The following GPR141 variants were observed in gnomAD, a reference collection of about 807,000 sequenced individuals.
GPR141 encodes the protein G protein-coupled receptor 141, also known as probable G protein-coupled receptor 141.
A neutral mutation model predicts 6.8 loss-of-function variants in GPR141; 6 were observed. The observed-to-expected ratio is 0.88, with a 90% CI of 0.48 to 1.74. The LOEUF (loss-of-function observed/expected upper bound fraction) is 1.74, where lower values mean the gene tolerates loss of function less well. Among genes scored for constraint, GPR141 ranks in the 40% most tolerant of loss-of-function variants. GPR141 has a pLI of 0.01. For missense variants in GPR141, 372 were observed against 372.9 expected (o/e 1.00, Z 0.02); for synonymous variants, 140 against 142.3 (o/e 0.98, Z 0.11).
intron 2 of GPR141, among the ~76,000 whole-genome samples, chr7:37,730,402 G>T (rs185482566): frequency 1.3e-5 from 2 of 152,310 alleles, no homozygotes; most frequent in Admixed American, 1.3e-4. Context: ...TCTTCAAAGT[G>T]CCTGTGTCCC....
chr7:37,734,344 A>G (rs891948391), intron 2 of GPR141, among the ~76,000 whole-genome samples: 1 of 152,246 alleles, frequency 6.6e-6, no homozygotes, highest in East Asian at 1.9e-4. Context: ...TCACAGTAAC[A>G]CTGCAAACAG....
At chr7:37,699,989 T>G (rs1340065058) in intron 2 of GPR141, among the ~76,000 whole-genome samples, 1 of 152,210 alleles carries the variant, frequency 6.6e-6, no homozygotes, top group Admixed American at 6.5e-5. Context: ...GGCACCATAC[T>G]TGGCCCTTCC....
intron 2 of GPR141, among the ~76,000 whole-genome samples, chr7:37,691,816 C>A (rs4723694): frequency 2.0e-5 from 3 of 151,736 alleles, no homozygotes; most frequent in East Asian, 3.9e-4. Flanking sequence ...TTTTTCCCCC[C>A]CTTTAACACT....
At chr7:37,717,238 A>G (rs1039961420) in intron 2 of GPR141, among the ~76,000 whole-genome samples, 2 of 152,246 alleles carry the variant, frequency 1.3e-5, no homozygotes, top group Admixed American at 1.3e-4. Flanking sequence ...GAGAAGAAGA[A>G]TGAAAAGCTG....
rs776331619 is a variant in GPR141, at chr7:37,740,710, A to G, written c.317A>G (p.Tyr106Cys). ...HIHMYLTFLF[Y>C]VVILVTRYLI... ...CACATGTACCTCACGTTCCTATTCT[A>G]TGTGGTGATCCTGGTCACCAGATAC... The change falls in exon 3 of 3, where the codon TAT becomes TGT. Residue 106 changes from tyrosine (Y) to cysteine (C), a missense_variant. Coordinates refer to ENST00000334425, the MANE Select transcript of GPR141 (RefSeq NM_001381946.1). 8 of 1,614,034 alleles carry G rather than the reference A, an allele frequency of 5.0e-6. No individual in the cohort carries two copies. Among genetic ancestry groups the G allele is most frequent in the Middle Eastern group, 1.6e-4 (1 of 6,062 alleles).
At position 37,742,129 on chromosome 7, in the gene GPR141, C is replaced by T. The variant is rs1213180792; in HGVS notation, c.*818C>T. 6.6e-6 allele frequency among the ~76,000 whole-genome samples: 1 copy of T among 152,022 alleles called. No individual in the cohort carries two copies. Among genetic ancestry groups the T allele is most frequent in the Non-Finnish European group, 1.5e-5 (1 of 67,988 alleles). The stretch of plus-strand genomic sequence containing the variant: ...CAAGGGAAGTGATTAAAATTTTTTT[C>T]TCTTCTGTTTTTTGAGAGAATTTCT... On this transcript the variant is annotated 3_prime_UTR_variant, in exon 3 of 3. Transcript: ENST00000334425.
intron 1 of GPR141, among the ~76,000 whole-genome samples, chr7:37,684,178 A>G (rs1029062255): frequency 1.3e-5 from 2 of 152,224 alleles, no homozygotes; most frequent in African/African-American, 4.8e-5. Flanking sequence ...CCAGCTAAAC[A>G]TATCATAGAA....
intron 2 of GPR141, among the ~76,000 whole-genome samples, chr7:37,715,501 G>C (rs1811007214): frequency 6.6e-6 from 1 of 152,122 alleles, no homozygotes; most frequent in Non-Finnish European, 1.5e-5. Flanking sequence ...AAGGAAACAT[G>C]ATGTTTATGG....
rs774156215 is a variant in GPR141, at chr7:37,741,003, AT to A, written c.612del (p.Met205CysfsTer2). On this transcript the variant is annotated frameshift_variant, in exon 3 of 3. Coordinates refer to ENST00000334425, the MANE Select transcript of GPR141 (RefSeq NM_001381946.1). LOFTEE classifies it high-confidence loss of function. The part of the protein sequence containing the change: ...VILLVFQVFI[I>X]MLMVQKLRHS... ...TCTGTTGGTCTTCCAGGTCTTCATC[AT>A]TATGTTGATGGTGCAGAAGCTACGC... The A allele has an allele frequency of 6.2e-7, 1 of 1,614,034 alleles. No homozygotes were observed.
At chr7:37,710,737 A>G (rs950292395) in intron 2 of GPR141, among the ~76,000 whole-genome samples, 7 of 152,332 alleles carry the variant, frequency 4.6e-5, no homozygotes, top group African/African-American at 7.2e-5. Context: ...TGCAACTCTG[A>G]TGGTTATTAT....
At chr7:37,715,151 C>T (rs900406544) in intron 2 of GPR141, among the ~76,000 whole-genome samples, 11 of 152,122 alleles carry the variant, frequency 7.2e-5, no homozygotes, top group Non-Finnish European at 1.3e-4. Flanking sequence ...GACAGAGTCT[C>T]ACTCTGTTGC....
At chr7:37,705,426 T>C (rs1428398443) in intron 2 of GPR141, among the ~76,000 whole-genome samples, 2 of 152,172 alleles carry the variant, frequency 1.3e-5, no homozygotes, top group African/African-American at 2.4e-5. Context: ...ATAACCTCAG[T>C]AGAGAAAGGA....
intron 2 of GPR141, among the ~76,000 whole-genome samples, chr7:37,736,066 C>T (rs953675656): frequency 2.6e-5 from 4 of 151,966 alleles, no homozygotes; most frequent in Admixed American, 6.6e-5. Context: ...TGAGACCAGA[C>T]GGACCAACAT....
rs1716656199 is a variant in GPR141 at position 37,722,728 on chromosome 7, A to G, written c.-14-17652A>G. Among the ~76,000 whole-genome samples, 2 of 151,824 alleles carry G rather than the reference A, an allele frequency of 1.3e-5. 1 individual carries two copies. The highest frequency in any genetic ancestry group is 1.3e-4 in the Admixed American group (2 of 15,260). ...AGAGCCAGACTCCATCTCAAAAAAA[A>G]AAAAAAAAAAGTTCAGAAACTCCAA... On this transcript the variant is annotated intron_variant, in intron 2 of 2. Coordinates refer to ENST00000334425, the MANE Select transcript of GPR141 (RefSeq NM_001381946.1).
intron 2 of GPR141, among the ~76,000 whole-genome samples, chr7:37,725,158 T>C (rs1309209425): frequency 6.6e-6 from 1 of 152,170 alleles, no homozygotes; most frequent in African/African-American, 2.4e-5. Flanking sequence ...CTCTCATGGA[T>C]CTTTTCTTCT....
chr7:37,743,373 TTC>T lies in GPR141; in HGVS notation c.*2064_*2065del, dbSNP rs1812664580. ...CAAACATGACTTGTTTCCATATATT[TTC>T]TGTTTTATATATTCTTTTAAATATC... On this transcript the variant is annotated 3_prime_UTR_variant, in exon 3 of 3. Coordinates refer to ENST00000334425, the MANE Select transcript of GPR141 (RefSeq NM_001381946.1). 6.6e-6 allele frequency among the ~76,000 whole-genome samples: 1 copy of T among 152,074 alleles called. No homozygotes were observed. The highest frequency in any genetic ancestry group is 1.5e-5 in the Non-Finnish European group (1 of 68,004).
At chr7:37,731,752 C>T (rs1811953446) in intron 2 of GPR141, among the ~76,000 whole-genome samples, 1 of 152,226 alleles carries the variant, frequency 6.6e-6, no homozygotes, top group African/African-American at 2.4e-5. Flanking sequence ...ACTTCTTATA[C>T]AGATATATAA....
intron 1 of GPR141, among the ~76,000 whole-genome samples, chr7:37,684,238 C>T (rs777240435): frequency 6.6e-6 from 1 of 152,172 alleles, no homozygotes; most frequent in Non-Finnish European, 1.5e-5. Flanking sequence ...TATTCAAATG[C>T]TTATCTTTTA....
chr7:37,700,165 T>G (rs1810215896), intron 2 of GPR141, among the ~76,000 whole-genome samples: 1 of 152,250 alleles, frequency 6.6e-6, no homozygotes, highest in Admixed American at 6.5e-5. Flanking sequence ...CAATTGATGT[T>G]CTGGGCCAAA....
Sources: gnomAD v4.1 joint callset for allele counts (sites outside exome capture counted in the v4.1 genomes callset) on GRCh38, gnomAD v4.1.1 for gene constraint, MANE v1.5 for transcripts, NCBI Gene and HGNC (gene_info 2026-07-23, HGNC 2026-07-21) for gene names.